SYT10: variants seen among roughly 807,000 people sequenced by gnomAD.
SYT10 encodes synaptotagmin 10.
In SYT10, 31 loss-of-function variants were observed where a neutral mutation model predicts 51.1. The observed-to-expected ratio is 0.61, with a 90% CI of 0.46 to 0.82. The LOEUF (loss-of-function observed/expected upper bound fraction) is 0.82. SYT10 is among the 40% of genes least tolerant of loss of function. The pLI is 0.00. For synonymous variants in SYT10, 233 were observed against 225.9 expected (o/e 1.03, Z -0.28); for missense variants, 603 against 634.0 (o/e 0.95, Z 0.53).
intron 3 of SYT10, among the ~76,000 whole-genome samples, chr12:33,397,890 G>A (rs1280747330): frequency 6.6e-6 from 1 of 152,160 alleles, no homozygotes; most frequent in African/African-American, 2.4e-5. Context: ...CAATAAGAAA[G>A]CTTGTGGGCC....
chr12:33,407,351 C>A lies in SYT10; in HGVS notation c.515G>T (p.Ser172Ile), dbSNP rs12317722. The change falls in exon 3 of 7, where the codon AGT becomes ATT. Residue 172 changes from serine (S) to isoleucine (I), a missense_variant. Physicochemically the swap from Ser to Ile is moderately radical, Grantham distance 142. Coordinates refer to ENST00000228567, the MANE Select transcript of SYT10 (RefSeq NM_198992.4). The stretch of plus-strand genomic sequence containing the variant: ...CCTCGGCAGGTGTCTTCGGAAGGAA[C>A]TGTGGCTGAACACACACACATATAC... The part of the protein sequence containing the change: ...ITEPTSSTRH[S>I]SFRRHLPRQM... The A allele has an allele frequency of 1.2e-4, 188 of 1,602,560 alleles. 1 individual carries two copies. The East Asian group carries it at 2.1e-3, about 18-fold the overall frequency.
At chr12:33,396,374 TG>T (rs1435266663) in intron 3 of SYT10, among the ~76,000 whole-genome samples, 2 of 152,238 alleles carry the variant, frequency 1.3e-5, no homozygotes, top group East Asian at 3.9e-4. Flanking sequence ...AAGAGAACAT[TG>T]GACAGAAATG....
At chr12:33,415,277 A>G (rs1185009167) in intron 2 of SYT10, among the ~76,000 whole-genome samples, 1 of 152,198 alleles carries the variant, frequency 6.6e-6, no homozygotes, top group African/African-American at 2.4e-5. Context: ...CACTTTTCAT[A>G]TTAACATTAG....
chr12:33,415,805 G>A (rs1866448013), intron 2 of SYT10, among the ~76,000 whole-genome samples: 1 of 152,140 alleles, frequency 6.6e-6, no homozygotes, highest in Non-Finnish European at 1.5e-5. Flanking sequence ...ACAAATATCT[G>A]AGCATATACC....
At chr12:33,395,851 T>G (rs2138401533) in intron 3 of SYT10, among the ~76,000 whole-genome samples, 1 of 135,748 alleles carries the variant, frequency 7.4e-6, no homozygotes, top group East Asian at 2.9e-4. Flanking sequence ...TGGACTTCCG[T>G]GTTTCACAAG....
intron 2 of SYT10, among the ~76,000 whole-genome samples, chr12:33,411,506 TAAC>T (rs151068515): frequency 0.038 from 5,849 of 152,166 alleles, 353 homozygotes; most frequent in African/African-American, 0.13. Flanking sequence ...ATTTTGAAAA[TAAC>T]AACAAAGTAA....
chr12:33,426,535 T>C (rs1461144216), intron 1 of SYT10, 40 bp from the exon 2 acceptor site: 3 of 1,434,466 alleles, frequency 2.1e-6, no homozygotes, highest in Non-Finnish European at 1.9e-6. Context: ...ATTAATATTG[T>C]ACATAAAAAA....
chr12:33,414,164 G>A (rs577570298), intron 2 of SYT10, among the ~76,000 whole-genome samples: 5 of 152,232 alleles, frequency 3.3e-5, no homozygotes, highest in African/African-American at 1.2e-4. Context: ...CCCAATACAG[G>A]AGCACCCAGA....
At chr12:33,392,411 T>C (rs1866215390) in intron 3 of SYT10, among the ~76,000 whole-genome samples, 3 of 152,144 alleles carry the variant, frequency 2.0e-5, no homozygotes. Flanking sequence ...CCCCTTTTCC[T>C]TCAAAGAAGC....
In SYT10 at chr12:33,387,395, A is replaced by G. The variant is rs531594670; in HGVS notation, c.1078-2104T>C. Among the ~76,000 whole-genome samples the G allele has an allele frequency of 6.6e-5, 10 of 152,308 alleles. 1 individual carries two copies. Among genetic ancestry groups the G allele is most frequent in the African/African-American group, 2.4e-4 (10 of 41,564 alleles). On this transcript the variant is annotated intron_variant, in intron 3 of 6. Coordinates refer to ENST00000228567, the MANE Select transcript of SYT10 (RefSeq NM_198992.4). Reference sequence around the variant, plus strand: ...ACAAGGGTTGTAAGCATTAAAGGAGATAATGTAAATAAAGCATAAGGCACT... The same window carrying G: ...ACAAGGGTTGTAAGCATTAAAGGAGGTAATGTAAATAAAGCATAAGGCACT...
intron 2 of SYT10, among the ~76,000 whole-genome samples, chr12:33,421,889 T>C (rs910557117): frequency 2.6e-5 from 4 of 152,094 alleles, no homozygotes. Flanking sequence ...GAAAGCAGCA[T>C]GAACAAAAGC....
rs1866392769 is a variant in SYT10 at position 33,410,076 on chromosome 12, T to C, written c.510-2720A>G. Among the ~76,000 whole-genome samples the C allele has an allele frequency of 2.0e-5, 3 of 152,310 alleles. No homozygotes were observed. The South Asian group carries it at 6.2e-4, about 32-fold the overall frequency. On this transcript the variant is annotated intron_variant, in intron 2 of 6. Coordinates refer to ENST00000228567, the MANE Select transcript of SYT10 (RefSeq NM_198992.4). ...AAAGGTTAGATGCTGAAGAAAAATA[T>C]TTCTGCCTCACATAAGATTTTGGCA...
intron 3 of SYT10, among the ~76,000 whole-genome samples, chr12:33,388,891 G>A (rs1265072928): frequency 6.6e-6 from 1 of 152,324 alleles, no homozygotes; most frequent in Non-Finnish European, 1.5e-5. Context: ...GCAAATATTT[G>A]CATTGCACAT....
At chr12:33,426,056 G>T in intron 2 of SYT10, 82 bp downstream of exon 2, 3 of 1,336,820 alleles carry the variant, frequency 2.2e-6, no homozygotes, top group Non-Finnish European at 3.0e-6. Flanking sequence ...TCTCTCTTAT[G>T]AAATTTCACA....
intron 2 of SYT10, among the ~76,000 whole-genome samples, chr12:33,411,595 A>T (rs1390593393): frequency 1.3e-5 from 2 of 152,184 alleles, no homozygotes; most frequent in Non-Finnish European, 2.9e-5. Context: ...AAAAACCGTT[A>T]CTATATAGAG....
Position 33,439,468 on chromosome 12 carries a change from T to A in SYT10, c.55A>T (p.Ile19Phe), listed in dbSNP as rs1467139439. The A allele has an allele frequency of 1.3e-5, 21 of 1,614,216 alleles. No individual in the cohort carries two copies. Among genetic ancestry groups the A allele is most frequent in the Non-Finnish European group, 1.6e-5 (19 of 1,180,010 alleles). The change falls in exon 1 of 7, where the codon ATC becomes TTC. Residue 19 changes from isoleucine (I) to phenylalanine (F), a missense_variant. Coordinates refer to ENST00000228567, the MANE Select transcript of SYT10 (RefSeq NM_198992.4). ...CCGGCGAAGCACAGCTCGGTGACGA[T>A]GTGCAGAGCCTTCTGGCACAGACTG... ...VNSLCQKALH[I>F]VTELCFAGQV...
intron 3 of SYT10, among the ~76,000 whole-genome samples, chr12:33,391,247 A>AT (rs1240364614): frequency 6.6e-6 from 1 of 150,620 alleles, no homozygotes; most frequent in Non-Finnish European, 1.5e-5. Flanking sequence ...TTTTTATTTT[A>AT]TTTTATTTTT....
chr12:33,379,579 AAG>A lies in SYT10; in HGVS notation c.1500+251_1500+252del, dbSNP rs57232346. 2.5e-3 allele frequency among the ~76,000 whole-genome samples: 350 copies of A among 138,432 alleles called. 75 individuals are homozygous for A. The highest frequency in any genetic ancestry group is 0.011 in the African/African-American group (328 of 30,310). The allele number at this position is 138,432 out of a possible 152,430, so 90.8% of individuals were successfully genotyped here. ...AAAAAAAAAAAAAAAAAAAAAAAAAAAGAGACTTGCAAATGGCTTACTGTCCA... is the reference window on the plus strand; with the variant it reads ...AAAAAAAAAAAAAAAAAAAAAAAAAAAGACTTGCAAATGGCTTACTGTCCA... On this transcript the variant is annotated intron_variant, in intron 6 of 6. Transcript: ENST00000228567.
chr12:33,379,579 A>G (rs1042829101), intron 6 of SYT10, among the ~76,000 whole-genome samples: 1 of 138,354 alleles, frequency 7.2e-6, no homozygotes, highest in Non-Finnish European at 1.5e-5. Flanking sequence ...AAAAAAAAAA[A>G]AGAGACTTGC....
Sources: gnomAD v4.1 joint callset for allele counts (sites outside exome capture counted in the v4.1 genomes callset) on GRCh38, gnomAD v4.1.1 for gene constraint, MANE v1.5 for transcripts, NCBI Gene and HGNC (gene_info 2026-07-23, HGNC 2026-07-21) for gene names.